Variants in SLC4A4 observed in about 807,000 individuals in gnomAD.
SLC4A4 encodes the protein solute carrier family 4 member 4.
Under a neutral mutation model 111.5 loss-of-function variants are expected in SLC4A4, and 27 were observed. That is an observed-to-expected ratio of 0.24 (90% CI 0.18 to 0.33). SLC4A4 has a LOEUF of 0.33. SLC4A4 is among the 10% of genes least tolerant of loss of function. The pLI, the probability that SLC4A4 is intolerant of heterozygous loss-of-function variation, is 1.00. For synonymous variants in SLC4A4, 443 were observed against 463.4 expected (o/e 0.96, Z 0.57); for missense variants, 909 against 1,315.5 (o/e 0.69, Z 4.78).
At chr4:71,070,397 G>T (rs1174609504) in intron 1 of SLC4A4, among the ~76,000 whole-genome samples, 1 of 152,156 alleles carries the variant, frequency 6.6e-6, no homozygotes, top group Non-Finnish European at 1.5e-5. Flanking sequence ...TTGCCAAGGT[G>T]GGAAAGGGGA....
At chr4:71,371,142 C>G in intron 6 of SLC4A4, among the ~76,000 whole-genome samples, 1 of 151,884 alleles carries the variant, frequency 6.6e-6, no homozygotes, top group East Asian at 1.9e-4. Context: ...TTTGTCTCTT[C>G]TCAATATAAA....
intron 14 of SLC4A4, among the ~76,000 whole-genome samples, chr4:71,477,410 AG>A (rs1305779135): frequency 6.6e-6 from 1 of 151,778 alleles, no homozygotes; most frequent in East Asian, 1.9e-4. Context: ...AAATTTTCCT[AG>A]GGAAAGATAC....
At chr4:71,120,952 G>GCAGCACGCCGCCCTCGCGGGC (rs1743399569) in intron 2 of SLC4A4, among the ~76,000 whole-genome samples, 1 of 152,220 alleles carries the variant, frequency 6.6e-6, no homozygotes, top group Admixed American at 6.5e-5. Context: ...AGGAACCAGG[G>GCAGCACGCCGCCCTCGCGGGC]CAGCACGCCG....
chr4:71,143,072 A>T (rs1744053833), intron 2 of SLC4A4, among the ~76,000 whole-genome samples: 1 of 152,006 alleles, frequency 6.6e-6, no homozygotes, highest in Non-Finnish European at 1.5e-5. Flanking sequence ...AGCATTAGGT[A>T]TATCTCCTAA....
chr4:71,096,373 CATTT>C, intron 2 of SLC4A4, among the ~76,000 whole-genome samples: 2 of 152,172 alleles, frequency 1.3e-5, no homozygotes, highest in South Asian at 4.2e-4. Flanking sequence ...AAAACACTGA[CATTT>C]AGTTGACAGG....
At chr4:71,291,446 A>ATT (rs925663152) in intron 3 of SLC4A4, among the ~76,000 whole-genome samples, 1 of 148,298 alleles carries the variant, frequency 6.7e-6, no homozygotes, top group Non-Finnish European at 1.5e-5. Flanking sequence ...TTCATGCATG[A>ATT]TTTTTTTTTT....
chr4:71,323,330 A>G (rs1013804289), intron 3 of SLC4A4, among the ~76,000 whole-genome samples: 1 of 152,004 alleles, frequency 6.6e-6, no homozygotes, highest in Non-Finnish European at 1.5e-5. Flanking sequence ...TACATATTAT[A>G]TAAGTTAATA....
At chr4:71,387,651 C>T (rs1400788839) in intron 6 of SLC4A4, among the ~76,000 whole-genome samples, 10 of 152,170 alleles carry the variant, frequency 6.6e-5, no homozygotes, top group Admixed American at 1.3e-4. Flanking sequence ...TGCACCACCA[C>T]GCCTGGCTAA....
rs869195687 is a variant in SLC4A4 at position 71,292,842 on chromosome 4, G to GTTTTTTTTTTTTT, written c.253+37450_253+37462dup. On this transcript the variant is annotated intron_variant, in intron 3 of 25. Coordinates refer to ENST00000264485, the MANE Select transcript of SLC4A4 (RefSeq NM_001098484.3). Reference sequence around the variant, plus strand: ...GTATGTCTTACTTTTGGTTTTTTTTGTTTTTTTTTTTTTTTTTTTGAGACA... The same window carrying GTTTTTTTTTTTTT: ...GTATGTCTTACTTTTGGTTTTTTTTGTTTTTTTTTTTTTTTTTTTTTTTTTTTTTTTTGAGACA... Among the ~76,000 whole-genome samples the GTTTTTTTTTTTTT allele has an allele frequency of 8.2e-5, 9 of 110,182 alleles. 1 individual carries two copies. The highest frequency in any genetic ancestry group is 3.3e-4 in the South Asian group (1 of 2,986). 72.3% of individuals were successfully genotyped at this position (110,182 alleles called of 152,430 possible). A position where few individuals can be genotyped will look rare whatever the true frequency, so the allele number is the denominator to read the frequency against.
intron 18 of SLC4A4, among the ~76,000 whole-genome samples, chr4:71,543,046 A>T (rs562967285): frequency 6.6e-6 from 1 of 152,226 alleles, no homozygotes; most frequent in African/African-American, 2.4e-5. Flanking sequence ...AATTATGCAC[A>T]ATGTGACACC....
At chr4:71,530,045 G>A (rs1345788180) in intron 16 of SLC4A4, among the ~76,000 whole-genome samples, 2 of 152,064 alleles carry the variant, frequency 1.3e-5, no homozygotes, top group Non-Finnish European at 2.9e-5. Context: ...GTTTTCTCCA[G>A]TATTGAGCCC....
At chr4:71,355,235 T>G (rs1181113463) in intron 5 of SLC4A4, among the ~76,000 whole-genome samples, 1 of 152,170 alleles carries the variant, frequency 6.6e-6, no homozygotes, top group African/African-American at 2.4e-5. Context: ...AAGAAACACT[T>G]TAGTCTACAA....
chr4:71,429,488 T>C (rs1462177756), intron 7 of SLC4A4, among the ~76,000 whole-genome samples: 1 of 152,036 alleles, frequency 6.6e-6, no homozygotes, highest in Non-Finnish European at 1.5e-5. Context: ...AACTATAGCA[T>C]CACTATACTC....
chr4:71,258,531 C>T (rs537652475), intron 3 of SLC4A4, among the ~76,000 whole-genome samples: 43 of 152,256 alleles, frequency 2.8e-4, no homozygotes, highest in African/African-American at 9.6e-4. Flanking sequence ...TTATCTTTGG[C>T]GCCGCACAAT....
At chr4:71,217,178 A>G (rs1404206749) in intron 1 of SLC4A4, among the ~76,000 whole-genome samples, 1 of 152,184 alleles carries the variant, frequency 6.6e-6, no homozygotes, top group African/African-American at 2.4e-5. Context: ...AGACTGAATA[A>G]TATGTTTCTA....
intron 20 of SLC4A4, among the ~76,000 whole-genome samples, chr4:71,552,934 C>A (rs1346328511): frequency 2.4e-4 from 36 of 151,720 alleles, no homozygotes; most frequent in Admixed American, 2.4e-3. Flanking sequence ...TGAGAAATTT[C>A]TATTGCAAGA....
intron 6 of SLC4A4, among the ~76,000 whole-genome samples, chr4:71,372,810 AT>A (rs1375663424): frequency 6.7e-6 from 1 of 149,148 alleles, no homozygotes; most frequent in African/African-American, 2.5e-5. Flanking sequence ...TATTATTATC[AT>A]CCCAAGTATT....
At chr4:71,144,187 C>A (rs1744097826) in intron 2 of SLC4A4, among the ~76,000 whole-genome samples, 1 of 152,172 alleles carries the variant, frequency 6.6e-6, no homozygotes, top group Non-Finnish European at 1.5e-5. Context: ...TTCCCAGCAC[C>A]ATCTACTAAA....
intron 3 of SLC4A4, among the ~76,000 whole-genome samples, chr4:71,285,967 A>G (rs1723882782): frequency 6.6e-6 from 1 of 152,134 alleles, no homozygotes; most frequent in Non-Finnish European, 1.5e-5. Flanking sequence ...GGCCAGGCGC[A>G]GTGGTTCACA....
Sources: allele counts gnomAD v4.1 joint callset (sites outside exome capture counted in the v4.1 genomes callset), GRCh38; gene constraint gnomAD v4.1.1; transcripts MANE v1.5; gene names NCBI Gene and HGNC (gene_info 2026-07-23, HGNC 2026-07-21).